Variants in LAMP1 observed in about 807,000 individuals in gnomAD.
The protein encoded by LAMP1 is lysosome-associated membrane glycoprotein 1.
In LAMP1, 7 loss-of-function variants were observed where a neutral mutation model predicts 37.5. That is an observed-to-expected ratio of 0.19 (90% CI 0.11 to 0.35). The LOEUF is 0.35. Among genes scored for constraint, LAMP1 ranks in the 10% least tolerant of loss-of-function variants. The probability of loss-of-function intolerance (pLI) is 1.00; values close to 1 mark genes in which losing one functional copy is unlikely to be tolerated. For synonymous variants in LAMP1, 236 were observed against 229.1 expected (o/e 1.03, Z -0.27); for missense variants, 537 against 552.8 (o/e 0.97, Z 0.29).
At position 113,320,309 on chromosome 13, in the gene LAMP1, A is replaced by G; in HGVS notation, c.751-36A>G. 1 of 1,613,430 alleles carries G rather than the reference A, an allele frequency of 6.2e-7. No individual in the cohort carries two copies. Among genetic ancestry groups the G allele is most frequent in the Non-Finnish European group, 8.5e-7 (1 of 1,179,698 alleles). ...TCTTTTCGAGAGTGTGGAGGACCTG[A>G]GCTAGGGTGGTGACTTGCTTGCTTG... is the stretch of plus-strand genomic sequence containing the variant. On this transcript the variant is annotated intron_variant, in intron 5 of 8. Transcript: ENST00000332556. This position sits in a 1 kb window ranked among gnomAD's most constrained non-coding sequence, Gnocchi z 4.4.
At chr13:113,309,953 G>C in intron 3 of LAMP1, 91 bp downstream of exon 3, 1 of 1,030,314 alleles carries the variant, frequency 9.7e-7, no homozygotes, top group Non-Finnish European at 1.5e-6. Context: ...TACAGGCTGG[G>C]TGTGGTGGCT....
intron 1 of LAMP1, among the ~76,000 whole-genome samples, chr13:113,304,639 C>T (rs564958974): frequency 3.3e-5 from 5 of 151,516 alleles, no homozygotes; most frequent in African/African-American, 9.7e-5. Context: ...GTTTCATTGT[C>T]GTGTAGCACC....
At position 113,320,266 on chromosome 13, in the gene LAMP1, C is replaced by T. The variant is rs775238724; in HGVS notation, c.751-79C>T. On this transcript the variant is annotated intron_variant, in intron 5 of 8. Transcript: ENST00000332556. This position sits in a 1 kb window ranked among gnomAD's most constrained non-coding sequence, Gnocchi z 4.4. ...TAAAACAAATGTGGCCTTGAATTCA[C>T]GGTTTCAGGACTGTTTGTCTTTTCG... 12 of 1,543,876 alleles carry T rather than the reference C, an allele frequency of 7.8e-6. No individual in the cohort carries two copies. The highest frequency in any genetic ancestry group is 1.4e-5 in the African/African-American group (1 of 73,394).
At position 113,306,515 on chromosome 13, in the gene LAMP1, T is replaced by A; in HGVS notation, c.92T>A (p.Phe31Tyr). 6.2e-7 allele frequency: 1 copy of A among 1,614,048 alleles called. No homozygotes were observed. Among genetic ancestry groups the A allele is most frequent in the South Asian group, 1.1e-5 (1 of 91,064 alleles). Residue 31 changes from phenylalanine (F) to tyrosine (Y), a missense_variant, in exon 2 of 9, where the codon TTT becomes TAT. Physicochemically the swap from Phe to Tyr is conservative, Grantham distance 22. Transcript: ENST00000332556. ...ATGCATTGTGCGTCAGCAGCAATGT[T>A]TATGGTGAAAAATGGCAACGGGACC... ...GLMHCASAAM[F>Y]MVKNGNGTAC...
Position 113,321,740 on chromosome 13 carries a change from G to A in LAMP1, c.1114+13G>A, listed in dbSNP as rs769375292. 12 of 1,612,682 alleles carry A rather than the reference G, an allele frequency of 7.4e-6. No homozygotes were observed. The highest frequency in any genetic ancestry group is 1.3e-5 in the African/African-American group (1 of 74,938). On this transcript the variant is annotated intron_variant, in intron 8 of 8. Coordinates refer to ENST00000332556, the MANE Select transcript of LAMP1 (RefSeq NM_005561.4). The surrounding 1 kb of genome is among the most constrained non-coding windows in gnomAD (Gnocchi z 5.6). ...CAGTTTGGCTCTGGTGAGTGTCACCGAGGGCAGCTGTCGCGGGGTGTGGAG... is the reference window on the plus strand; with the variant it reads ...CAGTTTGGCTCTGGTGAGTGTCACCAAGGGCAGCTGTCGCGGGGTGTGGAG...
At chr13:113,322,192 T>C in intron 8 of LAMP1, 90 bp from the exon 9 acceptor site, 1 of 1,423,364 alleles carries the variant, frequency 7.0e-7, no homozygotes, top group Non-Finnish European at 9.5e-7. Context: ...TCTTTGCCTT[T>C]TGGCTGATGT....
At chr13:113,306,188 G>A (rs777308022) in intron 1 of LAMP1, 11 of 221,860 alleles carry the variant, frequency 5.0e-5, no homozygotes, top group Non-Finnish European at 7.3e-5. Context: ...GCAAAACCCC[G>A]TCGCTACTAA....
intron 1 of LAMP1, among the ~76,000 whole-genome samples, chr13:113,304,083 G>C (rs546713761): frequency 4.7e-4 from 72 of 152,128 alleles, no homozygotes; most frequent in African/African-American, 1.7e-3. Context: ...AAATAAAAAA[G>C]CTGAAACCCT....
At chr13:113,316,225 G>A (rs957976842) in intron 4 of LAMP1, among the ~76,000 whole-genome samples, 1 of 152,192 alleles carries the variant, frequency 6.6e-6, no homozygotes, top group Non-Finnish European at 1.5e-5. Flanking sequence ...GGCCCATATG[G>A]GGTTAGCAGA....
intron 4 of LAMP1, among the ~76,000 whole-genome samples, chr13:113,312,623 G>T (rs942193374): frequency 1.2e-4 from 18 of 152,364 alleles, no homozygotes; most frequent in African/African-American, 2.6e-4. Flanking sequence ...CTCTGTAGGT[G>T]CTGCTGCCTT....
chr13:113,307,790 C>A (rs1425279760), intron 2 of LAMP1, among the ~76,000 whole-genome samples: 6 of 24,726 alleles, frequency 2.4e-4, no homozygotes, highest in African/African-American at 5.2e-4. Flanking sequence ...GATCTTATCT[C>A]TTTTTTAAAA....
In LAMP1 at chr13:113,297,398, C is replaced by T; in HGVS notation, c.-37C>T. The T allele has an allele frequency of 6.4e-6, 4 of 624,456 alleles. No individual in the cohort carries two copies. Among genetic ancestry groups the T allele is most frequent in the Non-Finnish European group, 9.0e-6 (4 of 445,592 alleles). 38.7% of individuals were successfully genotyped at this position (624,456 alleles called of 1,614,324 possible). Reference sequence around the variant, plus strand: ...GTCCGCGGCCCAACCGCCGCCCGCGCCCCCGCTCCCCGCACCGTACCCGGC... The same window carrying T: ...GTCCGCGGCCCAACCGCCGCCCGCGTCCCCGCTCCCCGCACCGTACCCGGC... On this transcript the variant is annotated 5_prime_UTR_variant, in exon 1 of 9. Transcript: ENST00000332556. The surrounding 1 kb of genome is among the most constrained non-coding windows in gnomAD (Gnocchi z 4.4).
intron 1 of LAMP1, among the ~76,000 whole-genome samples, chr13:113,301,681 A>G (rs997554808): frequency 1.4e-5 from 2 of 138,976 alleles, no homozygotes; most frequent in Non-Finnish European, 3.1e-5. Flanking sequence ...ATATATATAT[A>G]TATATATATA....
At chr13:113,302,965 A>G (rs2042581685) in intron 1 of LAMP1, among the ~76,000 whole-genome samples, 1 of 152,268 alleles carries the variant, frequency 6.6e-6, no homozygotes. Context: ...AAGTAAGTGC[A>G]TTCCAAGTGC....
In LAMP1 at chr13:113,319,942, C is replaced by T. The variant is rs747368146; in HGVS notation, c.750+286C>T. Among the ~76,000 whole-genome samples, 7 of 152,336 alleles carry T rather than the reference C, an allele frequency of 4.6e-5. No individual in the cohort carries two copies. In the South Asian group the frequency reaches 8.3e-4, roughly 18 times the overall value. On this transcript the variant is annotated intron_variant, in intron 5 of 8. Coordinates refer to ENST00000332556, the MANE Select transcript of LAMP1 (RefSeq NM_005561.4). ...GCCTACAACTTGGCCCCTGATAGAA[C>T]CTAAGTTTTCTTTACATATTTATCA...
intron 4 of LAMP1, among the ~76,000 whole-genome samples, chr13:113,314,290 A>G (rs1647288176): frequency 1.6e-5 from 2 of 124,720 alleles, no homozygotes; most frequent in Admixed American, 8.1e-5. Flanking sequence ...CAGTGTGGAG[A>G]TGTCGGTGTG....
chr13:113,302,265 A>G (rs1209956689), intron 1 of LAMP1, among the ~76,000 whole-genome samples: 5 of 150,978 alleles, frequency 3.3e-5, no homozygotes, highest in East Asian at 2.0e-4. Context: ...GCTCACTGCA[A>G]CCTCCACCTC....
At chr13:113,310,577 A>G (rs2042625181) in intron 3 of LAMP1, 132 bp from the exon 4 acceptor site, 2 of 847,934 alleles carry the variant, frequency 2.4e-6, no homozygotes, top group South Asian at 1.9e-5. Flanking sequence ...GTAGTTTGCA[A>G]TTGTGATTTT....
At chr13:113,311,323 A>G (rs1387408317) in intron 4 of LAMP1, among the ~76,000 whole-genome samples, 1 of 152,246 alleles carries the variant, frequency 6.6e-6, no homozygotes, top group Non-Finnish European at 1.5e-5. Flanking sequence ...TTCTCACCAT[A>G]AAAAAGTAAG....
Sources: allele counts gnomAD v4.1 joint callset (sites outside exome capture counted in the v4.1 genomes callset), GRCh38; gene constraint gnomAD v4.1.1; non-coding constraint Gnocchi (gnomAD v3.1); transcripts MANE v1.5; gene names NCBI Gene and HGNC (gene_info 2026-07-23, HGNC 2026-07-21).